The following SMIM35 variants were observed in gnomAD, a reference collection of about 807,000 sequenced individuals.
SMIM35 encodes TMPRSS4 antisense RNA 1 (non-protein coding).
intron 1 of SMIM35, among the ~76,000 whole-genome samples, chr11:118,032,724 T>A (rs895064264): frequency 6.6e-6 from 1 of 152,122 alleles, no homozygotes; most frequent in African/African-American, 2.4e-5. Flanking sequence ...CTGGTCAACA[T>A]GGTGAAACCC....
intron 1 of SMIM35, among the ~76,000 whole-genome samples, chr11:118,083,029 G>A (rs938767115): frequency 6.6e-6 from 1 of 151,498 alleles, no homozygotes; most frequent in Non-Finnish European, 1.5e-5. Context: ...CCCCACCCCC[G>A]CCACTTCTGC....
chr11:118,028,884 GA>G (rs1565384457), intron 1 of SMIM35: 1 of 442,966 alleles, frequency 2.3e-6, no homozygotes. Flanking sequence ...TGGGGGAGAA[GA>G]AGGAGGAGGG....
At chr11:118,056,181 AGAGGCTCACTTGGGCCAGG>A (rs1482120210) in intron 1 of SMIM35, among the ~76,000 whole-genome samples, 1 of 152,066 alleles carries the variant, frequency 6.6e-6, no homozygotes, top group Non-Finnish European at 1.5e-5. Flanking sequence ...TTGGCCCCTG[AGAGGCTCACTTGGGCCAGG>A]GTTGGGACAT....
chr11:118,077,150 C>T (rs1944721405), intron 1 of SMIM35: 5 of 824,602 alleles, frequency 6.1e-6, no homozygotes, highest in Non-Finnish European at 9.3e-6. Context: ...GGACCAAGGC[C>T]TGCCCTGCAC....
chr11:118,049,785 G>A (rs752449972), intron 1 of SMIM35, among the ~76,000 whole-genome samples: 5 of 152,118 alleles, frequency 3.3e-5, no homozygotes, highest in East Asian at 1.9e-4. Flanking sequence ...GATGGGAGGC[G>A]TGATCTAAAG....
intron 1 of SMIM35, among the ~76,000 whole-genome samples, chr11:118,074,180 G>T (rs992312874): frequency 2.0e-5 from 3 of 152,222 alleles, no homozygotes; most frequent in Admixed American, 6.5e-5. Context: ...CAGGGCCCTG[G>T]AAGGAACCGT....
intron 3 of SMIM35, among the ~76,000 whole-genome samples, chr11:118,014,120 A>G (rs1285028293): frequency 6.6e-6 from 1 of 152,108 alleles, no homozygotes; most frequent in African/African-American, 2.4e-5. Flanking sequence ...TGATTTTCTG[A>G]TATGCTCTTC....
chr11:118,039,625 A>G (rs534769072), intron 1 of SMIM35, among the ~76,000 whole-genome samples: 1 of 151,460 alleles, frequency 6.6e-6, no homozygotes, highest in South Asian at 2.1e-4. Flanking sequence ...CGGGAGGATT[A>G]CTTGAGCCCA....
chr11:118,011,374 T>C (rs1200090556), intron 4 of SMIM35, among the ~76,000 whole-genome samples: 1 of 152,122 alleles, frequency 6.6e-6, no homozygotes, highest in Admixed American at 6.5e-5. Flanking sequence ...GGATCCCTGC[T>C]AGGCAGGGTG....
At chr11:118,052,957 G>C (rs950233561) in intron 1 of SMIM35, among the ~76,000 whole-genome samples, 2 of 152,164 alleles carry the variant, frequency 1.3e-5, no homozygotes, top group Non-Finnish European at 2.9e-5. Context: ...TCCCAGCCTA[G>C]GCTGTGGTTC....
intron 1 of SMIM35, among the ~76,000 whole-genome samples, chr11:118,029,433 C>T (rs2058300336): frequency 6.6e-6 from 1 of 152,170 alleles, no homozygotes; most frequent in Non-Finnish European, 1.5e-5. Context: ...GCTGTTGTTT[C>T]TCAGTTTCAA....
At chr11:118,052,368 C>T (rs1944230962) in intron 1 of SMIM35, among the ~76,000 whole-genome samples, 1 of 152,122 alleles carries the variant, frequency 6.6e-6, no homozygotes, top group Non-Finnish European at 1.5e-5. Context: ...TGAGGGCAGG[C>T]TGGGGCCCTG....
chr11:118,080,453 A>T (rs775275221), intron 1 of SMIM35, among the ~76,000 whole-genome samples: 1 of 152,106 alleles, frequency 6.6e-6, no homozygotes, highest in African/African-American at 2.4e-5. Context: ...GGCCCTGTCC[A>T]TCTCCCAGGG....
chr11:118,012,950 G>A (rs1007640656), intron 4 of SMIM35, among the ~76,000 whole-genome samples: 1 of 152,214 alleles, frequency 6.6e-6, no homozygotes, highest in Non-Finnish European at 1.5e-5. Flanking sequence ...ACACTGGACT[G>A]CACTGGGCAG....
intron 1 of SMIM35, among the ~76,000 whole-genome samples, chr11:118,044,077 G>A (rs776790736): frequency 3.9e-5 from 6 of 152,056 alleles, no homozygotes; most frequent in Non-Finnish European, 7.4e-5. Flanking sequence ...ATTTATCTCT[G>A]TCTAAATTAT....
chr11:118,081,543 A>G (rs1945136421), intron 1 of SMIM35, among the ~76,000 whole-genome samples: 1 of 152,248 alleles, frequency 6.6e-6, no homozygotes, highest in Non-Finnish European at 1.5e-5. Flanking sequence ...CTCGAAGGGT[A>G]GCAGATGAAA....
chr11:118,077,062 C>T, intron 1 of SMIM35: 1 of 486,516 alleles, frequency 2.1e-6, no homozygotes, highest in Non-Finnish European at 3.7e-6. Context: ...ATCAAGCTGC[C>T]CAAAGTCCCC....
At chr11:118,028,229 C>A (rs1213533310) in intron 1 of SMIM35, among the ~76,000 whole-genome samples, 1 of 152,186 alleles carries the variant, frequency 6.6e-6, no homozygotes, top group African/African-American at 2.4e-5. Context: ...CATTTACACA[C>A]AGGCATGCTC....
At chr11:118,062,634 C>G (rs1944408026) in intron 1 of SMIM35, among the ~76,000 whole-genome samples, 1 of 152,156 alleles carries the variant, frequency 6.6e-6, no homozygotes, top group African/African-American at 2.4e-5. Context: ...TCATCCCTCC[C>G]AACCCTCTCC....
Sources: allele counts gnomAD v4.1 joint callset (sites outside exome capture counted in the v4.1 genomes callset), GRCh38; gene constraint gnomAD v4.1.1; transcripts MANE v1.5; gene names NCBI Gene and HGNC (gene_info 2026-07-23, HGNC 2026-07-21).